The following FANCD2 variants were observed in gnomAD, a reference collection of about 807,000 sequenced individuals.
FANCD2 encodes FA complementation group D2, also known as Fanconi anemia group D2 protein.
FANCD2 carries 131 observed loss-of-function variants against 192.3 expected under a neutral mutation model. That is an observed-to-expected ratio of 0.68 (90% CI 0.59 to 0.79). The LOEUF is 0.79. Ranked by LOEUF, FANCD2 falls within the 30% of genes least tolerant of loss-of-function variation. FANCD2 has a pLI of 0.00. For missense variants in FANCD2, 1,508 were observed against 1,701.6 expected (o/e 0.89, Z 2.00); for synonymous variants, 524 against 612.5 (o/e 0.86, Z 2.13).
chr3:10,065,709 A>T (rs2087699901), intron 24 of FANCD2, among the ~76,000 whole-genome samples, 155 bp from the exon 25 acceptor site: 2 of 152,252 alleles, frequency 1.3e-5, no homozygotes, highest in South Asian at 4.1e-4. Context: ...ATATTTGTTG[A>T]TTGCTATATG....
At chr3:10,040,029 C>CTTTT in intron 9 of FANCD2, 184 bp downstream of exon 9, 1 of 519,146 alleles carries the variant, frequency 1.9e-6, no homozygotes, top group South Asian at 3.0e-5. Context: ...GATCCACATA[C>CTTTT]TTTCTTTTTT....
rs1233415810 is a variant in FANCD2, at chr3:10,043,490, A to C, written c.996A>C (p.Ser332=). The change falls in exon 13 of 44, where the codon TCA becomes TCC. Residue 332 remains serine (S), a synonymous_variant. Coordinates refer to ENST00000675286, the MANE Select transcript of FANCD2 (RefSeq NM_001018115.3). ...KLKSKGRASS[S]GNQESSGQSC... is the part of the protein sequence containing the mutation. The stretch of plus-strand genomic sequence containing the variant: ...TCCTCTCTGCTACTTGTAGTTCCTC[A>C]GGAAATCAAGAAAGCAGCGGTCAGA... The C allele has an allele frequency of 1.9e-6, 3 of 1,613,432 alleles. No individual in the cohort carries two copies. The highest frequency in any genetic ancestry group is 2.5e-6 in the Non-Finnish European group (3 of 1,179,418).
chr3:10,064,017 T>C (rs2087643973), intron 21 of FANCD2, 106 bp downstream of exon 21: 16 of 1,519,506 alleles, frequency 1.1e-5, no homozygotes, highest in Non-Finnish European at 1.2e-5. Context: ...CTGTGACCTC[T>C]CCTAAATTCT....
intron 2 of FANCD2, among the ~76,000 whole-genome samples, chr3:10,028,929 TCA>T (rs1440732186): frequency 6.6e-6 from 1 of 152,194 alleles, no homozygotes; most frequent in African/African-American, 2.4e-5. Context: ...CCTCTGGACC[TCA>T]GTCTCCACAT....
intron 8 of FANCD2, 28 bp downstream of exon 8, chr3:10,039,385 T>A: frequency 6.5e-7 from 1 of 1,542,292 alleles, no homozygotes; most frequent in Non-Finnish European, 9.0e-7. Flanking sequence ...ATCTCTTGAA[T>A]TTAAAGAGTA....
At chr3:10,087,810 A>G (rs1694312786) in intron 34 of FANCD2, among the ~76,000 whole-genome samples, 1 of 152,012 alleles carries the variant, frequency 6.6e-6, no homozygotes, top group Non-Finnish European at 1.5e-5. Context: ...CACCGTGCCC[A>G]GCCAATTTTT....
intron 1 of FANCD2, among the ~76,000 whole-genome samples, chr3:10,027,903 T>TAAAAAA (rs2086493934): frequency 4.8e-5 from 3 of 62,548 alleles, no homozygotes; most frequent in African/African-American, 2.3e-4. Context: ...AGACTCCGTC[T>TAAAAAA]CAAAAAAAAA....
chr3:10,089,611 A>G (rs1389057242), intron 36 of FANCD2, among the ~76,000 whole-genome samples: 1 of 152,096 alleles, frequency 6.6e-6, no homozygotes, highest in Non-Finnish European at 1.5e-5. Context: ...CTGGGATTAT[A>G]GGCACCCACC....
At chr3:10,056,137 C>T (rs1488874635) in intron 18 of FANCD2, among the ~76,000 whole-genome samples, 1 of 152,224 alleles carries the variant, frequency 6.6e-6, no homozygotes, top group East Asian at 1.9e-4. Context: ...CCTCGGCCTC[C>T]CAAAGTGCTA....
intron 3 of FANCD2, among the ~76,000 whole-genome samples, chr3:10,033,281 G>A (rs1490953719): frequency 1.3e-5 from 2 of 152,096 alleles, no homozygotes; most frequent in Non-Finnish European, 2.9e-5. Context: ...TGTGCCTGTA[G>A]TCCCAGCTGC....
intron 7 of FANCD2, 38 bp from the exon 8 acceptor site, chr3:10,039,241 A>G (rs2086803327): frequency 6.8e-7 from 1 of 1,475,486 alleles, no homozygotes; most frequent in East Asian, 2.3e-5. Flanking sequence ...TTTGACCAGA[A>G]AGGCTCAGTT....
chr3:10,037,287 A>G (rs572210439), intron 7 of FANCD2, among the ~76,000 whole-genome samples: 1 of 152,356 alleles, frequency 6.6e-6, no homozygotes, highest in African/African-American at 2.4e-5. Context: ...AAAACACTGT[A>G]TCAAAATAGT....
chr3:10,040,011 T>A, intron 9 of FANCD2, 166 bp downstream of exon 9: 1 of 674,162 alleles, frequency 1.5e-6, no homozygotes, highest in Non-Finnish European at 2.4e-6. Flanking sequence ...AAGGTATATA[T>A]TTGAATAGAT....
chr3:10,043,444 T>G lies in FANCD2; in HGVS notation c.990-40T>G, dbSNP rs773714983. On this transcript the variant is annotated intron_variant, in intron 12 of 43. Coordinates refer to ENST00000675286, the MANE Select transcript of FANCD2 (RefSeq NM_001018115.3). ...TCCGATCTTGTAAGTTCTTTTCTGG[T>G]ACGTAGAAGAGTAATTTTTTTCCTC... The G allele has an allele frequency of 3.3e-6, 5 of 1,503,284 alleles. No individual in the cohort carries two copies. The African/African-American group carries it at 6.9e-5, about 21-fold the overall frequency. 93.1% of individuals were successfully genotyped at this position (1,503,284 alleles called of 1,614,324 possible).
At chr3:10,053,245 G>A (rs1435604188) in intron 18 of FANCD2, among the ~76,000 whole-genome samples, 2 of 151,160 alleles carry the variant, frequency 1.3e-5, no homozygotes, top group African/African-American at 4.9e-5. Context: ...GGATGAAATT[G>A]GAAATCATCA....
Position 10,078,056 on chromosome 3 carries a change from A to C in FANCD2, c.2860-25A>C, listed in dbSNP as rs772745065. The C allele has an allele frequency of 1.0e-5, 15 of 1,456,580 alleles. No individual in the cohort carries two copies. The Admixed American group carries it at 2.5e-4, about 24-fold the overall frequency. 90.2% of individuals were successfully genotyped at this position (1,456,580 alleles called of 1,614,324 possible). A position where few individuals can be genotyped will look rare whatever the true frequency, so the allele number is the denominator to read the frequency against. ...ATGAAATGACTAGGACATTCCTGGA[A>C]CTAATCCTTTCCTCCATGTGACAGG... On this transcript the variant is annotated intron_variant, in intron 29 of 43. Coordinates refer to ENST00000675286, the MANE Select transcript of FANCD2 (RefSeq NM_001018115.3).
At chr3:10,040,069 C>G (rs2086828466) in intron 9 of FANCD2, 2 of 524,460 alleles carry the variant, frequency 3.8e-6, no homozygotes, top group Non-Finnish European at 6.6e-6. Flanking sequence ...CAGTCTTGCT[C>G]TGTCGCCCAG....
rs747371509 is a variant in FANCD2, at chr3:10,101,266, C to A, written c.*4C>A. 6.2e-7 allele frequency: 1 copy of A among 1,601,420 alleles called. No individual in the cohort carries two copies. The highest frequency in any genetic ancestry group is 1.1e-5 in the South Asian group (1 of 90,860). On this transcript the variant is annotated 3_prime_UTR_variant, in exon 44 of 44. Coordinates refer to ENST00000675286, the MANE Select transcript of FANCD2 (RefSeq NM_001018115.3). Reference sequence around the variant, plus strand: ...GAGTTATGATGACTCTGATTAGACCCCAGATAAATTGTTGCCTGCTTCTGT... The same window carrying A: ...GAGTTATGATGACTCTGATTAGACCACAGATAAATTGTTGCCTGCTTCTGT...
At chr3:10,031,556 G>A (rs547941332) in intron 2 of FANCD2, among the ~76,000 whole-genome samples, 2 of 151,754 alleles carry the variant, frequency 1.3e-5, no homozygotes, top group African/African-American at 4.8e-5. Context: ...AAAACAAAAT[G>A]GCATCATTAA....
Sources: allele counts gnomAD v4.1 joint callset (sites outside exome capture counted in the v4.1 genomes callset), GRCh38; gene constraint gnomAD v4.1.1; transcripts MANE v1.5; gene names NCBI Gene and HGNC (gene_info 2026-07-23, HGNC 2026-07-21).